The following NYNRIN variants were observed in gnomAD, a reference collection of about 807,000 sequenced individuals.
NYNRIN encodes the protein NYN domain and retroviral integrase containing, also known as protein NYNRIN.
Under a neutral mutation model 146.6 loss-of-function variants are expected in NYNRIN, and 86 were observed. The observed-to-expected ratio is 0.59, with a 90% CI of 0.49 to 0.70. The LOEUF is 0.70. Ranked by LOEUF, NYNRIN falls within the 30% of genes least tolerant of loss-of-function variation. The pLI, the probability that NYNRIN is intolerant of heterozygous loss-of-function variation, is 0.00. For missense variants in NYNRIN, 2,191 were observed against 2,377.7 expected (o/e 0.92, Z 1.63); for synonymous variants, 1,027 against 1,001.3 (o/e 1.03, Z -0.48).
chr14:24,417,182 G>T lies in NYNRIN; in HGVS notation c.5433G>T (p.Lys1811Asn), dbSNP rs748761502. 1 of 1,614,066 alleles carries T rather than the reference G, an allele frequency of 6.2e-7. No homozygotes were observed. The highest frequency in any genetic ancestry group is 1.1e-5 in the South Asian group (1 of 91,086). ...HWRVADKASEKAENRRFKRES... is the reference protein window; with the variant it reads ...HWRVADKASENAENRRFKRES... ...GGGTGGCTGACAAGGCGAGTGAAAAGGCCGAGAACAGGCGTTTCAAGCGGG... is the reference window on the plus strand; with the variant it reads ...GGGTGGCTGACAAGGCGAGTGAAAATGCCGAGAACAGGCGTTTCAAGCGGG... The change falls in exon 9 of 9, where the codon AAG becomes AAT. Residue 1811 changes from lysine to asparagine, a missense_variant. Transcript: ENST00000382554.
chr14:24,403,950 TC>T (rs2042860928), intron 2 of NYNRIN, among the ~76,000 whole-genome samples: 1 of 152,208 alleles, frequency 6.6e-6, no homozygotes, highest in Admixed American at 6.5e-5. Context: ...GCTGTTCTGG[TC>T]CCTGGTCATT....
chr14:24,415,793 C>T lies in NYNRIN; in HGVS notation c.4044C>T (p.Tyr1348=), dbSNP rs1158299717. The T allele has an allele frequency of 2.5e-6, 4 of 1,614,036 alleles. No homozygotes were observed. The South Asian group carries it at 3.3e-5, about 13-fold the overall frequency. ...PVSLSFSCSP[Y]TPTYAHLAAV... ...CCCTTTCCTTCTCCTGCTCCCCTTA[C>T]ACGCCAACCTATGCCCACCTGGCAG... Residue 1348 remains tyrosine (Y), a synonymous_variant, in exon 9 of 9, where the codon TAC becomes TAT. Transcript: ENST00000382554.
At chr14:24,404,695 C>T (rs903044253) in intron 2 of NYNRIN, among the ~76,000 whole-genome samples, 2 of 152,138 alleles carry the variant, frequency 1.3e-5, no homozygotes, top group African/African-American at 2.4e-5. Flanking sequence ...TTAGGGACCC[C>T]GTTTTGTGAT....
chr14:24,414,537 C>T, intron 8 of NYNRIN, 59 bp from the exon 9 acceptor site: 1 of 1,513,272 alleles, frequency 6.6e-7, no homozygotes. Context: ...AGGTGCTTTC[C>T]CTTTGGAGGA....
intron 2 of NYNRIN, 72 bp from the exon 3 acceptor site, chr14:24,407,797 G>A (rs1466943804): frequency 7.0e-7 from 1 of 1,423,500 alleles, no homozygotes; most frequent in Non-Finnish European, 9.5e-7. Context: ...CTGGCCTTTT[G>A]GGTGGCGAGG....
chr14:24,405,282 T>A (rs1252427085), intron 2 of NYNRIN, among the ~76,000 whole-genome samples: 1 of 152,184 alleles, frequency 6.6e-6, no homozygotes, highest in East Asian at 1.9e-4. Flanking sequence ...AGGAGAACCC[T>A]AAGTTAGGTG....
In NYNRIN at chr14:24,416,002, C is replaced by T. The variant is rs1445355696; in HGVS notation, c.4253C>T (p.Thr1418Ile). Residue 1418 changes from threonine (T) to isoleucine (I), a missense_variant, in exon 9 of 9, where the codon ACC becomes ATC. Transcript: ENST00000382554. The part of the protein sequence containing the change: ...PSLLSYIISL[T>I]SGLSSLPFIY... The stretch of plus-strand genomic sequence containing the variant: ...CTGCTCTCCTACATTATATCCCTCA[C>T]CTCTGGCCTCTCATCCCTTCCGTTT... 7 of 1,614,056 alleles carry T rather than the reference C, an allele frequency of 4.3e-6. No individual in the cohort carries two copies. The highest frequency in any genetic ancestry group is 5.9e-6 in the Non-Finnish European group (7 of 1,179,898).
intron 2 of NYNRIN, 96 bp downstream of exon 2, chr14:24,399,540 C>T (rs1362575531): frequency 8.9e-7 from 1 of 1,120,790 alleles, no homozygotes; most frequent in African/African-American, 1.6e-5. Flanking sequence ...ACACCACCCA[C>T]CCTGCCCCCG....
intron 2 of NYNRIN, among the ~76,000 whole-genome samples, chr14:24,404,746 T>A (rs2042866057): frequency 6.6e-6 from 1 of 152,200 alleles, no homozygotes; most frequent in African/African-American, 2.4e-5. Flanking sequence ...TTTTCCAGAA[T>A]GTATGCCTGC....
At chr14:24,412,070 G>A (rs1317786104) in intron 6 of NYNRIN, among the ~76,000 whole-genome samples, 2 of 152,208 alleles carry the variant, frequency 1.3e-5, no homozygotes, top group East Asian at 3.8e-4. Context: ...TGGGCGGACA[G>A]AGATCTTGGT....
At position 24,408,039 on chromosome 14, in the gene NYNRIN, G is replaced by A. The variant is rs1270450949; in HGVS notation, c.369G>A (p.Leu123=). 9.9e-6 allele frequency: 16 copies of A among 1,613,876 alleles called. No homozygotes were observed. The highest frequency in any genetic ancestry group is 1.2e-5 in the Non-Finnish European group (14 of 1,179,898). Residue 123 remains leucine, a synonymous_variant, in exon 3 of 9, where the codon CTG becomes CTA. Transcript: ENST00000382554. ...CTGGCTCCCTGATGGTGGGCGGGCT[G>A]ACTGAGTCTTTCATCATGACACAGA... is the stretch of plus-strand genomic sequence containing the variant. The part of the protein sequence containing the change: ...GPPGSLMVGG[L]TESFIMTQNW...
chr14:24,401,228 C>G (rs2139340662), intron 2 of NYNRIN, among the ~76,000 whole-genome samples: 1 of 152,350 alleles, frequency 6.6e-6, no homozygotes, highest in African/African-American at 2.4e-5. Flanking sequence ...CAGGCTCCCA[C>G]TGTAGGCCCA....
chr14:24,399,147 G>T, intron 1 of NYNRIN, 61 bp downstream of exon 1: 1 of 1,104,322 alleles, frequency 9.1e-7, no homozygotes, highest in South Asian at 1.5e-5. Context: ...GGAGGAGGGG[G>T]CGTGGCTTAG....
chr14:24,417,205 G>A lies in NYNRIN; in HGVS notation c.5456G>A (p.Arg1819Gln), dbSNP rs754037307. Residue 1819 changes from arginine (R) to glutamine (Q), a missense_variant, in exon 9 of 9, where the codon CGG (arginine) becomes CAG (glutamine). Arg to Gln is a conservative substitution (Grantham distance 43, BLOSUM62 1). Coordinates refer to ENST00000382554, the MANE Select transcript of NYNRIN (RefSeq NM_025081.3). ...AAGGCCGAGAACAGGCGTTTCAAGC[G>A]GGAGAGCCAGGAGAAGGAGTGGAAT... is the stretch of plus-strand genomic sequence containing the variant. ...SEKAENRRFK[R>Q]ESQEKEWNVG... 18 of 1,613,932 alleles carry A rather than the reference G, an allele frequency of 1.1e-5. No homozygotes were observed. Among genetic ancestry groups the A allele is most frequent in the Admixed American group, 5.0e-5 (3 of 60,010 alleles).
rs2042896880 is a variant in NYNRIN, at chr14:24,409,433, C to T, written c.1639C>T (p.Pro547Ser). Residue 547 changes from proline (P) to serine (S), a missense_variant, in exon 4 of 9, where the codon CCC (proline) becomes TCC (serine). Pro to Ser is a moderately conservative substitution (Grantham distance 74). Coordinates refer to ENST00000382554, the MANE Select transcript of NYNRIN (RefSeq NM_025081.3). ...AQTVPETLKV[P>S]MAAAVPKAEN... Reference sequence around the variant, plus strand: ...AACAGTGCCTGAAACTCTCAAAGTGCCCATGGCTGCAGCAGTGCCCAAAGC... The same window carrying T: ...AACAGTGCCTGAAACTCTCAAAGTGTCCATGGCTGCAGCAGTGCCCAAAGC... 1 of 1,613,906 alleles carries T rather than the reference C, an allele frequency of 6.2e-7. No individual in the cohort carries two copies. Among genetic ancestry groups the T allele is most frequent in the Admixed American group, 1.7e-5 (1 of 60,004 alleles).
rs2042922690 is a variant in NYNRIN at position 24,413,122 on chromosome 14, A to G, written c.2744+24A>G. ...CGGTAAGATGGTCCCCAGAGGCTTG[A>G]GCCATTCCTTCCCCTTGGATGTCAG... On this transcript the variant is annotated intron_variant, in intron 7 of 8. Transcript: ENST00000382554. The G allele has an allele frequency of 2.6e-6, 4 of 1,521,198 alleles. No homozygotes were observed. In the Admixed American group the frequency reaches 7.7e-5, roughly 29 times the overall value. The allele number at this position is 1,521,198 out of a possible 1,614,324, so 94.2% of individuals were successfully genotyped here.
At chr14:24,413,920 C>T (rs2042928223) in intron 8 of NYNRIN, among the ~76,000 whole-genome samples, 1 of 152,224 alleles carries the variant, frequency 6.6e-6, no homozygotes, top group East Asian at 1.9e-4. Context: ...TTTATCGTCT[C>T]ATTCGATCCT....
Position 24,408,672 on chromosome 14 carries a change from A to T in NYNRIN, c.878A>T (p.Asp293Val). The change falls in exon 4 of 9, where the codon GAT (aspartate) becomes GTT (valine). Residue 293 changes from aspartate to valine, a missense_variant. Physicochemically the swap from Asp to Val is radical, Grantham distance 152 (BLOSUM62 -3). Around this residue, in one of 3 missense-constraint regions of NYNRIN, gnomAD observed 895 missense variants for 941.2 expected, o/e 0.95. Transcript: ENST00000382554. ...QLVRVGSNNQ[D>V]GMDSAQEEGT... ...TCCAGGGTCGGTTCCAACAACCAAG[A>T]TGGTATGGACAGTGCTCAAGAGGAA... 6.2e-7 allele frequency: 1 copy of T among 1,606,312 alleles called. No homozygotes were observed. Among genetic ancestry groups the T allele is most frequent in the Non-Finnish European group, 8.5e-7 (1 of 1,176,798 alleles).
chr14:24,409,583 G>C lies in NYNRIN; in HGVS notation c.1789G>C (p.Ala597Pro), dbSNP rs1201859441. 6.2e-7 allele frequency: 1 copy of C among 1,610,488 alleles called. No homozygotes were observed. The highest frequency in any genetic ancestry group is 8.5e-7 in the Non-Finnish European group (1 of 1,178,290). The change falls in exon 4 of 9, where the codon GCT becomes CCT. Residue 597 changes from alanine (A) to proline (P), a missense_variant. By Grantham distance (27) the Ala-to-Pro change is conservative. Transcript: ENST00000382554. ...GCCTTTGGCTCCAACAAAGCCAACA[G>C]CTCAACTGATGGCCACAGCTCAAAA... ...EVPLAPTKPTAQLMATAQKTV... is the reference protein window; with the variant it reads ...EVPLAPTKPTPQLMATAQKTV...
Sources: allele counts gnomAD v4.1 joint callset (sites outside exome capture counted in the v4.1 genomes callset), GRCh38; gene constraint gnomAD v4.1.1; regional missense constraint gnomAD v4.1.1; transcripts MANE v1.5; gene names NCBI Gene and HGNC (gene_info 2026-07-23, HGNC 2026-07-21).